EPB41L4B: variants seen among roughly 807,000 people sequenced by gnomAD.
EPB41L4B encodes erythrocyte membrane protein band 4.1 like 4B, also known as band 4.1-like protein 4B.
Under a neutral mutation model 112.5 loss-of-function variants are expected in EPB41L4B, and 30 were observed. That is an observed-to-expected ratio of 0.27 (90% CI 0.20 to 0.36). The LOEUF (loss-of-function observed/expected upper bound fraction) is 0.36. Ranked by LOEUF, EPB41L4B falls within the 10% of genes least tolerant of loss-of-function variation. The pLI is 1.00. For synonymous variants in EPB41L4B, 408 were observed against 439.7 expected, an observed-to-expected ratio of 0.93 and a Z score of 0.90; for missense variants, 1,024 against 1,133.3, an observed-to-expected ratio of 0.90 and a Z score of 1.38.
intron 15 of EPB41L4B, among the ~76,000 whole-genome samples, chr9:109,242,425 A>G (rs1834384650): frequency 6.6e-6 from 1 of 152,270 alleles, no homozygotes; most frequent in South Asian, 2.1e-4. Flanking sequence ...AACATGATAA[A>G]ACAGGCAATG....
intron 18 of EPB41L4B, among the ~76,000 whole-genome samples, chr9:109,207,100 C>T (rs1833013694): frequency 6.6e-6 from 1 of 152,162 alleles, no homozygotes; most frequent in South Asian, 2.1e-4. Context: ...GCACAGTGGC[C>T]CCTGCTTAGA....
intron 1 of EPB41L4B, among the ~76,000 whole-genome samples, chr9:109,314,638 C>A (rs568219060): frequency 7.6e-6 from 1 of 131,076 alleles, no homozygotes; most frequent in Non-Finnish European, 1.6e-5. Flanking sequence ...TCTCTCACCC[C>A]CCCCCACCTC....
At chr9:109,249,172 C>A (rs1187261604) in intron 13 of EPB41L4B, among the ~76,000 whole-genome samples, 1 of 151,868 alleles carries the variant, frequency 6.6e-6, no homozygotes, top group African/African-American at 2.4e-5. Flanking sequence ...TTCTCCAACA[C>A]TGAGAGGCAA....
intron 1 of EPB41L4B, among the ~76,000 whole-genome samples, chr9:109,297,300 A>T (rs1588221728): frequency 6.6e-6 from 1 of 152,156 alleles, no homozygotes; most frequent in Admixed American, 6.5e-5. Context: ...TGAGAAAATA[A>T]ATTGCTTGCT....
At position 109,293,838 on chromosome 9, in the gene EPB41L4B, A is replaced by G. The variant is rs1006048376; in HGVS notation, c.307-13917T>C. On this transcript the variant is annotated intron_variant, in intron 1 of 25. Coordinates refer to ENST00000374566, the MANE Select transcript of EPB41L4B (RefSeq NM_019114.5). ...ATCACCAACTCCATATTAGAACTCA[A>G]TAAACCACATTGAAAAGAGGAGAAG... Among the ~76,000 whole-genome samples, 6 of 152,304 alleles carry G rather than the reference A, an allele frequency of 3.9e-5. No individual in the cohort carries two copies. The East Asian group carries it at 7.7e-4, about 20-fold the overall frequency.
intron 13 of EPB41L4B, 22 bp from the exon 14 acceptor site, chr9:109,247,811 A>C (rs1834616461): frequency 6.8e-7 from 1 of 1,475,528 alleles, no homozygotes; most frequent in Non-Finnish European, 9.0e-7. Context: ...AACAAACAAA[A>C]AACAGAAAAA....
rs114643029 is a variant in EPB41L4B at position 109,251,867 on chromosome 9, T to C, written c.1280-356A>G. Among the ~76,000 whole-genome samples the C allele has an allele frequency of 2.6e-3, 399 of 152,158 alleles. 3 individuals carry two copies. The highest frequency in any genetic ancestry group is 9.3e-3 in the African/African-American group (387 of 41,512). ...GCACACGGTGATCAGGGATGCAATA[T>C]AAGCATGGGTCTGGACTGAGGGGCC... On this transcript the variant is annotated intron_variant, in intron 12 of 25. Transcript: ENST00000374566.
intron 20 of EPB41L4B, among the ~76,000 whole-genome samples, chr9:109,198,701 A>G (rs907415960): frequency 5.9e-5 from 9 of 152,144 alleles, no homozygotes; most frequent in African/African-American, 9.6e-5. Context: ...TGAGGTCAGG[A>G]GTTCGAAACC....
At chr9:109,271,334 G>C (rs892104553) in intron 2 of EPB41L4B, among the ~76,000 whole-genome samples, 1 of 152,248 alleles carries the variant, frequency 6.6e-6, no homozygotes, top group Non-Finnish European at 1.5e-5. Context: ...GCCGAGAATG[G>C]AATCAGAAAC....
intron 22 of EPB41L4B, among the ~76,000 whole-genome samples, chr9:109,188,264 G>A (rs1225523012): frequency 1.3e-5 from 2 of 152,166 alleles, no homozygotes; most frequent in African/African-American, 2.4e-5. Context: ...AGTGAGTACC[G>A]AGCAAAGGGG....
intron 1 of EPB41L4B, among the ~76,000 whole-genome samples, chr9:109,306,020 C>T (rs944019108): frequency 6.6e-6 from 1 of 152,170 alleles, no homozygotes; most frequent in Admixed American, 6.5e-5. Flanking sequence ...CAGAGAGCCA[C>T]TAGAGTGACA....
chr9:109,303,406 C>T (rs576408568), intron 1 of EPB41L4B, among the ~76,000 whole-genome samples: 7 of 152,204 alleles, frequency 4.6e-5, no homozygotes, highest in South Asian at 2.1e-4. Context: ...GGTGCAGTGG[C>T]GCGATCTCGA....
rs1339867564 is a variant in EPB41L4B, at chr9:109,212,348, T to C, written c.1752+1352A>G. 2.6e-5 allele frequency among the ~76,000 whole-genome samples: 4 copies of C among 152,084 alleles called. No homozygotes were observed. The South Asian group carries it at 6.2e-4, about 24-fold the overall frequency. On this transcript the variant is annotated intron_variant, in intron 17 of 25. Transcript: ENST00000374566. Reference sequence around the variant, plus strand: ...GACCAATCAGGGGGCACACGGTGCATTGGGTTGAATCCCTAGCAGCTAGGG... The same window carrying C: ...GACCAATCAGGGGGCACACGGTGCACTGGGTTGAATCCCTAGCAGCTAGGG...
chr9:109,276,313 G>C (rs193016282), intron 2 of EPB41L4B, among the ~76,000 whole-genome samples: 11 of 151,816 alleles, frequency 7.2e-5, no homozygotes, highest in South Asian at 2.1e-4. Flanking sequence ...AAGGGTGAGG[G>C]GGGGGTCATC....
At chr9:109,182,317 A>G (rs1352765585) in intron 24 of EPB41L4B, among the ~76,000 whole-genome samples, 1 of 152,244 alleles carries the variant, frequency 6.6e-6, no homozygotes, top group Non-Finnish European at 1.5e-5. Flanking sequence ...AAAAGGTCAC[A>G]TATGATACAA....
chr9:109,250,476 G>T (rs1355618382), intron 13 of EPB41L4B, among the ~76,000 whole-genome samples: 1 of 152,138 alleles, frequency 6.6e-6, no homozygotes, highest in African/African-American at 2.4e-5. Context: ...AATGAACCTG[G>T]CCTACCTACC....
At chr9:109,253,344 G>A (rs1247834620) in intron 12 of EPB41L4B, 97 bp downstream of exon 12, 23 of 801,710 alleles carry the variant, frequency 2.9e-5, no homozygotes, top group East Asian at 5.0e-5. Context: ...GGAGAACTGC[G>A]GGTACTTTCT....
chr9:109,290,736 C>CAT (rs1279035514), intron 1 of EPB41L4B, among the ~76,000 whole-genome samples: 5 of 149,542 alleles, frequency 3.3e-5, no homozygotes, highest in African/African-American at 1.2e-4. Context: ...TATACACACA[C>CAT]ACACATACAT....
chr9:109,235,045 C>T (rs966686155), intron 15 of EPB41L4B, among the ~76,000 whole-genome samples: 4 of 152,212 alleles, frequency 2.6e-5, no homozygotes, highest in East Asian at 1.9e-4. Flanking sequence ...CTCTGAGTCC[C>T]AATCGTAGCA....
Sources: gnomAD v4.1 joint callset for allele counts (sites outside exome capture counted in the v4.1 genomes callset) on GRCh38, gnomAD v4.1.1 for gene constraint, MANE v1.5 for transcripts, NCBI Gene and HGNC (gene_info 2026-07-23, HGNC 2026-07-21) for gene names.